NXPE2: variants seen among roughly 807,000 people sequenced by gnomAD.
NXPE2 encodes the protein neurexophilin and PC-esterase domain family member 2, also known as NXPE family member 2.
A neutral mutation model predicts 34.4 loss-of-function variants in NXPE2; 34 were observed. That is an observed-to-expected ratio of 0.99 (90% CI 0.75 to 1.31). The LOEUF (loss-of-function observed/expected upper bound fraction) is 1.31. Among genes scored for constraint, NXPE2 ranks in the 40% most tolerant of loss-of-function variants. NXPE2 has a pLI of 0.00. For synonymous variants in NXPE2, 235 were observed against 231.3 expected (o/e 1.02, Z -0.15); for missense variants, 649 against 672.5 (o/e 0.97, Z 0.39).
At chr11:114,523,439 G>A in the NXPE2 span, among the ~76,000 whole-genome samples, 1 of 152,078 alleles carries the variant, frequency 6.6e-6, no homozygotes, top group African/African-American at 2.4e-5. Flanking sequence ...TTAGTGGTCT[G>A]CCAGTTGGTG....
chr11:114,528,836 A>G, the NXPE2 span: 1 of 676,868 alleles, frequency 1.5e-6, no homozygotes, highest in Non-Finnish European at 2.7e-6. Flanking sequence ...TGCCATCCTG[A>G]GAAGAGAAAG....
the NXPE2 span, among the ~76,000 whole-genome samples, chr11:114,635,627 G>A: frequency 6.6e-6 from 1 of 151,822 alleles, no homozygotes; most frequent in East Asian, 1.9e-4. Context: ...TTATTATTTT[G>A]AGATATGTCC....
At chr11:114,528,813 A>C in the NXPE2 span, 2 of 680,322 alleles carry the variant, frequency 2.9e-6, no homozygotes, top group South Asian at 3.1e-5. Flanking sequence ...CCTGCTATAG[A>C]TGTCTCTCCA....
At chr11:114,573,990 A>G in the NXPE2 span, among the ~76,000 whole-genome samples, 1 of 152,134 alleles carries the variant, frequency 6.6e-6, no homozygotes, top group African/African-American at 2.4e-5. Context: ...AATTTAAGAA[A>G]ATCAAAATTA....
chr11:114,788,099 A>C, the NXPE2 span, among the ~76,000 whole-genome samples: 35 of 152,262 alleles, frequency 2.3e-4, no homozygotes, highest in East Asian at 6.8e-3. Flanking sequence ...TTTATCCCGC[A>C]CACATGTCTA....
chr11:114,548,862 GT>G, the NXPE2 span, among the ~76,000 whole-genome samples: 1 of 151,412 alleles, frequency 6.6e-6, no homozygotes, highest in South Asian at 2.1e-4. Flanking sequence ...AAAAACCTGG[GT>G]TTTATTTTGA....
At chr11:114,568,211 C>T in the NXPE2 span, among the ~76,000 whole-genome samples, 1 of 152,112 alleles carries the variant, frequency 6.6e-6, no homozygotes, top group Non-Finnish European at 1.5e-5. Flanking sequence ...TAAAAAAAAT[C>T]TCTGGGTCAC....
chr11:114,497,777 A>G, the NXPE2 span, among the ~76,000 whole-genome samples: 8 of 152,216 alleles, frequency 5.3e-5, no homozygotes, highest in African/African-American at 1.9e-4. Flanking sequence ...TTATTATGCT[A>G]TTAAGCATCG....
At chr11:114,697,960 T>C (rs779183226) in intron 2 of NXPE2, 85 bp from the exon 3 acceptor site, 7 of 1,219,200 alleles carry the variant, frequency 5.7e-6, no homozygotes, top group South Asian at 2.0e-5. Context: ...CACTGAAAGA[T>C]GTAAAATAAG....
the NXPE2 span, among the ~76,000 whole-genome samples, chr11:114,764,339 GA>G: frequency 6.6e-6 from 1 of 151,990 alleles, no homozygotes; most frequent in South Asian, 2.1e-4. Flanking sequence ...AGTTCTAAAG[GA>G]AAGAGTCTTT....
the NXPE2 span, among the ~76,000 whole-genome samples, chr11:114,758,894 T>G: frequency 6.7e-6 from 1 of 150,258 alleles, no homozygotes; most frequent in South Asian, 2.1e-4. Flanking sequence ...GTATATAAAT[T>G]TATATATTTT....
At chr11:114,497,271 G>A in the NXPE2 span, among the ~76,000 whole-genome samples, 2 of 152,220 alleles carry the variant, frequency 1.3e-5, no homozygotes, top group Non-Finnish European at 2.9e-5. Flanking sequence ...TTTAAAATTA[G>A]AAGAAAGCTT....
the NXPE2 span, among the ~76,000 whole-genome samples, chr11:114,525,235 A>G: frequency 1.3e-5 from 2 of 152,124 alleles, no homozygotes; most frequent in African/African-American, 2.4e-5. Flanking sequence ...AGCTTCCTCA[A>G]ACTTTGGGAG....
chr11:114,677,396 AC>A (rs1292262170), upstream of NXPE2, among the ~76,000 whole-genome samples: 1 of 152,074 alleles, frequency 6.6e-6, no homozygotes, highest in Non-Finnish European at 1.5e-5. Flanking sequence ...GTAAACACAT[AC>A]ATTTTTTATT....
At chr11:114,502,385 C>T in the NXPE2 span, among the ~76,000 whole-genome samples, 1 of 152,098 alleles carries the variant, frequency 6.6e-6, no homozygotes, top group African/African-American at 2.4e-5. Context: ...TTTTATATTT[C>T]CATCCTCTTT....
At chr11:114,700,281 A>G (rs1040760654) in intron 3 of NXPE2, among the ~76,000 whole-genome samples, 1 of 152,238 alleles carries the variant, frequency 6.6e-6, no homozygotes, top group Non-Finnish European at 1.5e-5. Flanking sequence ...CTCTTTTAAT[A>G]TTAAAACTCT....
chr11:114,662,542 C>G, the NXPE2 span, among the ~76,000 whole-genome samples: 1 of 152,142 alleles, frequency 6.6e-6, no homozygotes, highest in African/African-American at 2.4e-5. Flanking sequence ...GGGGAGCACA[C>G]AACTTTCTGA....
At chr11:114,807,336 T>C in the NXPE2 span, among the ~76,000 whole-genome samples, 1 of 152,150 alleles carries the variant, frequency 6.6e-6, no homozygotes. Context: ...AATTCACACA[T>C]AACAATATTA....
the NXPE2 span, among the ~76,000 whole-genome samples, chr11:114,615,784 G>T: frequency 6.6e-6 from 1 of 151,624 alleles, no homozygotes; most frequent in African/African-American, 2.4e-5. Context: ...GGTAACCACT[G>T]TTACCCAATG....
Sources: gnomAD v4.1 joint callset for allele counts (sites outside exome capture counted in the v4.1 genomes callset) on GRCh38, gnomAD v4.1.1 for gene constraint, MANE v1.5 for transcripts, NCBI Gene and HGNC (gene_info 2026-07-23, HGNC 2026-07-21) for gene names.